The following CDK5RAP2 variants were observed in gnomAD, a reference collection of about 807,000 sequenced individuals.
The protein encoded by CDK5RAP2 is CDK5 regulatory subunit associated protein 2, also known as CDK5 regulatory subunit-associated protein 2.
A neutral mutation model predicts 232.9 loss-of-function variants in CDK5RAP2; 147 were observed. The ratio of observed to expected loss-of-function variants is 0.63; its 90% CI spans 0.55 to 0.72. CDK5RAP2 has a LOEUF of 0.72. CDK5RAP2 is among the 30% of genes least tolerant of loss of function. The pLI is 0.00. For synonymous variants in CDK5RAP2, 833 were observed against 833.7 expected, an observed-to-expected ratio of 1.00 and a Z score of 0.01; for missense variants, 2,195 against 2,231.5, an observed-to-expected ratio of 0.98 and a Z score of 0.33.
At chr9:120,476,277 A>C (rs971141713) in intron 15 of CDK5RAP2, among the ~76,000 whole-genome samples, 3 of 151,534 alleles carry the variant, frequency 2.0e-5, no homozygotes, top group Non-Finnish European at 4.4e-5. Context: ...CCCCAGCCCC[A>C]ACAATCAGAG....
Position 120,527,300 on chromosome 9 carries a change from T to C in CDK5RAP2, c.999+506A>G, listed in dbSNP as rs563912372. Among the ~76,000 whole-genome samples, 26 of 152,306 alleles carry C rather than the reference T, an allele frequency of 1.7e-4. No homozygotes were observed. In the South Asian group the frequency reaches 5.2e-3, roughly 30 times the overall value. The stretch of plus-strand genomic sequence containing the variant: ...GGCCTTGCTTCCCAAAACTCCTTTA[T>C]CTCAATTTTCTGTTATCCTTCAAAA... On this transcript the variant is annotated intron_variant, in intron 10 of 37. Coordinates refer to ENST00000349780, the MANE Select transcript of CDK5RAP2 (RefSeq NM_018249.6).
chr9:120,517,246 T>C (rs1588540319), intron 12 of CDK5RAP2, among the ~76,000 whole-genome samples: 1 of 152,334 alleles, frequency 6.6e-6, no homozygotes, highest in East Asian at 1.9e-4. Context: ...TCTTTATTGA[T>C]CCATTAATGT....
chr9:120,488,172 T>C (rs1490608149), intron 13 of CDK5RAP2, among the ~76,000 whole-genome samples: 1 of 152,188 alleles, frequency 6.6e-6, no homozygotes. Context: ...TTGTCAAATA[T>C]TAAGGGTAAG....
intron 5 of CDK5RAP2, among the ~76,000 whole-genome samples, chr9:120,540,977 C>T (rs1370165216): frequency 1.3e-5 from 2 of 152,238 alleles, no homozygotes; most frequent in Non-Finnish European, 2.9e-5. Context: ...ACCCCCCACT[C>T]CCGGGGCTCA....
Position 120,448,068 on chromosome 9 carries a change from A to T in CDK5RAP2, c.2852T>A (p.Met951Lys). 1.2e-6 allele frequency: 2 copies of T among 1,614,164 alleles called. No homozygotes were observed. Among genetic ancestry groups the T allele is most frequent in the Non-Finnish European group, 1.7e-6 (2 of 1,180,016 alleles). ...LIKPSRSLGN[M>K]YRLPATQEVV... ...CTCCTGGGTGGCAGGGAGACGATACATATTTCCTAATGACCGGGATGGTTT... is the reference window on the plus strand; with the variant it reads ...CTCCTGGGTGGCAGGGAGACGATACTTATTTCCTAATGACCGGGATGGTTT... Residue 951 changes from methionine (M) to lysine (K), a missense_variant, in exon 22 of 38, where the codon ATG (methionine) becomes AAG (lysine). Transcript: ENST00000349780.
intron 17 of CDK5RAP2, among the ~76,000 whole-genome samples, chr9:120,468,480 T>C (rs1316165084): frequency 6.6e-6 from 1 of 152,264 alleles, no homozygotes; most frequent in Admixed American, 6.5e-5. Context: ...TATCTGGCAA[T>C]GCCAGTAATA....
chr9:120,523,687 C>A (rs1328661237), intron 11 of CDK5RAP2, among the ~76,000 whole-genome samples: 2 of 152,168 alleles, frequency 1.3e-5, no homozygotes, highest in African/African-American at 4.8e-5. Flanking sequence ...CAACCAAAAG[C>A]AACATCAGTG....
chr9:120,548,885 A>C (rs1011904383), intron 4 of CDK5RAP2, among the ~76,000 whole-genome samples: 2 of 152,246 alleles, frequency 1.3e-5, no homozygotes, highest in Admixed American at 1.3e-4. Context: ...GGCGAGGCGC[A>C]GTGCCTCACG....
chr9:120,445,342 G>A (rs1298761686), intron 22 of CDK5RAP2, among the ~76,000 whole-genome samples: 1 of 152,148 alleles, frequency 6.6e-6, no homozygotes, highest in Non-Finnish European at 1.5e-5. Flanking sequence ...CCACTTTACT[G>A]TAATCATCCA....
At chr9:120,546,872 A>G (rs943678165) in intron 4 of CDK5RAP2, among the ~76,000 whole-genome samples, 1 of 152,182 alleles carries the variant, frequency 6.6e-6, no homozygotes, top group Non-Finnish European at 1.5e-5. Flanking sequence ...TCTGGCTTCA[A>G]ATGATACTCC....
chr9:120,440,667 T>C (rs2035848538), intron 23 of CDK5RAP2, among the ~76,000 whole-genome samples: 1 of 152,230 alleles, frequency 6.6e-6, no homozygotes, highest in Non-Finnish European at 1.5e-5. Flanking sequence ...CAATTCGTCA[T>C]CTGAATGTAG....
intron 1 of CDK5RAP2, among the ~76,000 whole-genome samples, chr9:120,576,315 T>C (rs2043029223): frequency 6.6e-6 from 1 of 152,178 alleles, no homozygotes; most frequent in Non-Finnish European, 1.5e-5. Flanking sequence ...GGACGATGGA[T>C]TTGAATACAC....
intron 14 of CDK5RAP2, among the ~76,000 whole-genome samples, chr9:120,481,502 C>CTT (rs544616509): frequency 1.6e-4 from 21 of 133,748 alleles, no homozygotes; most frequent in Non-Finnish European, 1.6e-4. Flanking sequence ...ATATTGTTTT[C>CTT]TTTTTTTTTT....
chr9:120,528,216 C>A (rs1179086055), intron 9 of CDK5RAP2, among the ~76,000 whole-genome samples: 1 of 152,232 alleles, frequency 6.6e-6, no homozygotes, highest in Non-Finnish European at 1.5e-5. Context: ...TACAGTCAGT[C>A]AGAGTCTTTG....
intron 36 of CDK5RAP2, among the ~76,000 whole-genome samples, chr9:120,391,352 G>A (rs549751545): frequency 1.2e-4 from 19 of 152,132 alleles, no homozygotes; most frequent in South Asian, 4.1e-4. Context: ...GGAGAAGACC[G>A]AGGAACACAG....
chr9:120,575,900 A>T (rs2043015410), intron 1 of CDK5RAP2, among the ~76,000 whole-genome samples: 1 of 152,232 alleles, frequency 6.6e-6, no homozygotes, highest in Non-Finnish European at 1.5e-5. Flanking sequence ...TGATGTTTTC[A>T]TGACAGTACA....
chr9:120,521,477 A>G (rs1245042950), intron 11 of CDK5RAP2, among the ~76,000 whole-genome samples: 1 of 152,096 alleles, frequency 6.6e-6, no homozygotes, highest in Non-Finnish European at 1.5e-5. Context: ...TTCTCATGAC[A>G]GTGAATAAGT....
intron 21 of CDK5RAP2, among the ~76,000 whole-genome samples, chr9:120,448,657 C>A (rs2036328584): frequency 6.6e-6 from 1 of 152,210 alleles, no homozygotes; most frequent in African/African-American, 2.4e-5. Context: ...AGCTCCATCA[C>A]CCCGTGTCTC....
At chr9:120,562,486 T>C (rs1462433303) in intron 3 of CDK5RAP2, among the ~76,000 whole-genome samples, 1 of 152,156 alleles carries the variant, frequency 6.6e-6, no homozygotes, top group Non-Finnish European at 1.5e-5. Context: ...CGTCAGGCTA[T>C]ATGTTGTGCA....
Sources: allele counts gnomAD v4.1 joint callset (sites outside exome capture counted in the v4.1 genomes callset), GRCh38; gene constraint gnomAD v4.1.1; transcripts MANE v1.5; gene names NCBI Gene and HGNC (gene_info 2026-07-23, HGNC 2026-07-21).